PLEKHH2: variants seen among roughly 807,000 people sequenced by gnomAD.
PLEKHH2 encodes the protein pleckstrin homology domain-containing family H member 2.
A neutral mutation model predicts 187.9 loss-of-function variants in PLEKHH2; 129 were observed. The observed-to-expected ratio is 0.69, with a 90% CI of 0.59 to 0.79. PLEKHH2 has a LOEUF of 0.79. Ranked by LOEUF, PLEKHH2 falls within the 30% of genes least tolerant of loss-of-function variation. The probability of loss-of-function intolerance (pLI) is 0.00; values close to 1 mark genes in which losing one functional copy is unlikely to be tolerated. For missense variants in PLEKHH2, 2,076 were observed against 1,751.2 expected (o/e 1.19, Z -3.31); for synonymous variants, 686 against 605.6 (o/e 1.13, Z -1.95).
intron 15 of PLEKHH2, among the ~76,000 whole-genome samples, chr2:43,715,779 T>A (rs1452957423): frequency 1.3e-5 from 2 of 152,134 alleles, no homozygotes; most frequent in African/African-American, 2.4e-5. Flanking sequence ...GCTGGTAGGA[T>A]GTCTTAGTTA....
Position 43,742,776 on chromosome 2 carries a change from G to A in PLEKHH2, c.3257G>A (p.Arg1086His), listed in dbSNP as rs775706144. 6.9e-6 allele frequency: 11 copies of A among 1,599,242 alleles called. No homozygotes were observed. The highest frequency in any genetic ancestry group is 8.5e-6 in the Non-Finnish European group (10 of 1,174,914). ...EFGKYAIYCQ[R>H]CVERTQQNGD... ...GGAAAATATGCCATTTACTGCCAGC[G>A]TTGTGTAGAAAGAACGCAACAAAAT... Residue 1086 changes from arginine to histidine, a missense_variant, in exon 22 of 30, where the codon CGT (arginine) becomes CAT (histidine). Transcript: ENST00000282406.
intron 20 of PLEKHH2, among the ~76,000 whole-genome samples, chr2:43,740,294 A>T (rs575371609): frequency 2.6e-5 from 4 of 152,314 alleles, no homozygotes; most frequent in South Asian, 4.1e-4. Flanking sequence ...AAATTAAAAA[A>T]ATTTTTTTGT....
chr2:43,741,090 G>A, intron 21 of PLEKHH2, 47 bp downstream of exon 21: 2 of 1,510,198 alleles, frequency 1.3e-6, no homozygotes, highest in Non-Finnish European at 1.8e-6. Flanking sequence ...GCCTCTGAAA[G>A]TCTACGATAA....
rs774842261 is a variant in PLEKHH2, at chr2:43,675,779, CCA to C, written c.124-3081_124-3080del. ...TCTCTGCTTAAGACAATCCCTCCTT[CCA>C]CAGTCACGTATTCGAGGTCTCCAAA... On this transcript the variant is annotated intron_variant, in intron 2 of 29. Transcript: ENST00000282406. 3.1e-6 allele frequency: 5 copies of C among 1,613,528 alleles called. No homozygotes were observed. In the African/African-American group the frequency reaches 6.7e-5, roughly 22 times the overall value.
chr2:43,680,340 T>C (rs1385702606), intron 3 of PLEKHH2: 3 of 150,426 alleles, frequency 2.0e-5, no homozygotes, highest in Non-Finnish European at 3.0e-5. Flanking sequence ...ATTACCTTGA[T>C]TTGATCATTA....
At chr2:43,755,626 G>A (rs181146420) in intron 25 of PLEKHH2, among the ~76,000 whole-genome samples, 3 of 152,164 alleles carry the variant, frequency 2.0e-5, no homozygotes, top group South Asian at 2.1e-4. Context: ...CTCTGCTTCC[G>A]GTGGTATCAG....
intron 29 of PLEKHH2, among the ~76,000 whole-genome samples, chr2:43,764,993 T>C (rs1325886212): frequency 1.3e-5 from 2 of 152,380 alleles, no homozygotes; most frequent in South Asian, 4.1e-4. Context: ...TAGATGTCTT[T>C]CTTAATTAAG....
intron 3 of PLEKHH2, among the ~76,000 whole-genome samples, chr2:43,687,109 A>G (rs889031438): frequency 1.3e-5 from 2 of 152,190 alleles, no homozygotes; most frequent in African/African-American, 4.8e-5. Context: ...GGCAGTGAAC[A>G]TAGTACCCAA....
intron 2 of PLEKHH2, among the ~76,000 whole-genome samples, chr2:43,653,186 T>C (rs368655492): frequency 1.2e-4 from 18 of 152,110 alleles, no homozygotes; most frequent in African/African-American, 4.3e-4. Flanking sequence ...GTTGAATGTG[T>C]CTACCAAGAA....
intron 3 of PLEKHH2, chr2:43,679,688 G>T (rs528866931): frequency 9.8e-4 from 178 of 181,812 alleles, no homozygotes; most frequent in Non-Finnish European, 1.3e-3. Context: ...TAGAGATGGG[G>T]TTTGTTGGCC....
At position 43,671,980 on chromosome 2, in the gene PLEKHH2, T is replaced by A. The variant is rs201831178; in HGVS notation, c.124-6883T>A. Among the ~76,000 whole-genome samples, 5 of 152,362 alleles carry A rather than the reference T, an allele frequency of 3.3e-5. No homozygotes were observed. The East Asian group carries it at 9.6e-4, about 29-fold the overall frequency. On this transcript the variant is annotated intron_variant, in intron 2 of 29. Coordinates refer to ENST00000282406, the MANE Select transcript of PLEKHH2 (RefSeq NM_172069.4). ...TTCTCTTATGTGCTGGAAGAGTTTTTGTTGAGTTTCTATTCATTCTTCTAT... is the reference window on the plus strand; with the variant it reads ...TTCTCTTATGTGCTGGAAGAGTTTTAGTTGAGTTTCTATTCATTCTTCTAT...
chr2:43,653,341 G>C (rs1356457101), intron 2 of PLEKHH2, among the ~76,000 whole-genome samples: 20 of 152,146 alleles, frequency 1.3e-4, no homozygotes, highest in Admixed American at 1.0e-3. Flanking sequence ...AATGGCTTCA[G>C]ACCTTTCAAA....
chr2:43,648,829 C>A (rs1388118736), intron 2 of PLEKHH2, among the ~76,000 whole-genome samples: 1 of 152,010 alleles, frequency 6.6e-6, no homozygotes, highest in Non-Finnish European at 1.5e-5. Flanking sequence ...ATCCACCCAT[C>A]TCAGCCTCCC....
At chr2:43,706,032 C>T (rs192169402) in intron 9 of PLEKHH2, among the ~76,000 whole-genome samples, 1 of 152,304 alleles carries the variant, frequency 6.6e-6, no homozygotes, top group South Asian at 2.1e-4. Context: ...CCAGCCTGAG[C>T]AAAGCATGCA....
chr2:43,686,311 C>G (rs1034399526), intron 3 of PLEKHH2, among the ~76,000 whole-genome samples: 3 of 152,182 alleles, frequency 2.0e-5, no homozygotes, highest in Admixed American at 6.5e-5. Flanking sequence ...TTTCTCCTGC[C>G]TCCACCTCCC....
At chr2:43,746,126 A>G (rs540450286) in intron 24 of PLEKHH2, among the ~76,000 whole-genome samples, 163 bp downstream of exon 24, 2 of 152,366 alleles carry the variant, frequency 1.3e-5, no homozygotes, top group African/African-American at 4.8e-5. Flanking sequence ...ACCTTGTCAC[A>G]TAAAATTTTG....
At chr2:43,684,641 AGGTTTGTTGCCATCAGGGCCAACCACT>A (rs1345403614) in intron 3 of PLEKHH2, among the ~76,000 whole-genome samples, 1 of 152,078 alleles carries the variant, frequency 6.6e-6, no homozygotes, top group East Asian at 1.9e-4. Context: ...CAAACCACAG[AGGTTTGTTGCCATCAGGGCCAACCACT>A]GGTCTTGGTA....
intron 2 of PLEKHH2, among the ~76,000 whole-genome samples, chr2:43,668,619 T>C (rs1234304087): frequency 6.6e-6 from 1 of 152,184 alleles, no homozygotes; most frequent in Non-Finnish European, 1.5e-5. Context: ...TGCAATTCTT[T>C]CTTCTGGAAG....
At chr2:43,675,642 T>A in intron 2 of PLEKHH2, 1 of 1,613,974 alleles carries the variant, frequency 6.2e-7, no homozygotes, top group Non-Finnish European at 8.5e-7. Flanking sequence ...CATGAACTCC[T>A]GCATATTTCA....
Sources: gnomAD v4.1 joint callset for allele counts (sites outside exome capture counted in the v4.1 genomes callset) on GRCh38, gnomAD v4.1.1 for gene constraint, MANE v1.5 for transcripts, NCBI Gene and HGNC (gene_info 2026-07-23, HGNC 2026-07-21) for gene names.